Variants in BDKRB2 observed in about 807,000 individuals in gnomAD.
BDKRB2 encodes bradykinin receptor B2.
A neutral mutation model predicts 4.0 loss-of-function variants in BDKRB2; 6 were observed. That is an observed-to-expected ratio of 1.49 (90% CI 0.81 to 2.93). The LOEUF (loss-of-function observed/expected upper bound fraction) is 2.93, where lower values mean the gene tolerates loss of function less well. Among genes scored for constraint, BDKRB2 ranks in the 30% most tolerant of loss-of-function variants. The pLI, the probability that BDKRB2 is intolerant of heterozygous loss-of-function variation, is 0.00. For missense variants in BDKRB2, 478 were observed against 520.1 expected (o/e 0.92, Z 0.79); for synonymous variants, 225 against 215.3 (o/e 1.05, Z -0.40).
intron 2 of BDKRB2, chr14:96,239,182 A>G (rs910558932): frequency 5.1e-6 from 5 of 985,206 alleles, no homozygotes; most frequent in East Asian, 2.3e-4. Flanking sequence ...CACTGGGAAA[A>G]TGCCCAATGA....
intron 1 of BDKRB2, among the ~76,000 whole-genome samples, chr14:96,212,404 A>G (rs2139768205): frequency 6.6e-6 from 1 of 152,328 alleles, no homozygotes; most frequent in East Asian, 1.9e-4. Flanking sequence ...AAGATTGCAA[A>G]AAAAAACTGT....
At chr14:96,216,283 G>C (rs2139772662) in intron 1 of BDKRB2, among the ~76,000 whole-genome samples, 1 of 152,186 alleles carries the variant, frequency 6.6e-6, no homozygotes, top group South Asian at 2.1e-4. Context: ...ACAGTTCCTG[G>C]AGGGTGGGCC....
chr14:96,227,966 G>A (rs552086625), intron 1 of BDKRB2, among the ~76,000 whole-genome samples: 1 of 152,344 alleles, frequency 6.6e-6, no homozygotes, highest in African/African-American at 2.4e-5. Flanking sequence ...GGCCAGCTGA[G>A]CCCAGGTCCA....
intron 1 of BDKRB2, among the ~76,000 whole-genome samples, chr14:96,232,571 AGAT>A (rs544336460): frequency 6.6e-6 from 1 of 152,290 alleles, no homozygotes; most frequent in Admixed American, 6.5e-5. Flanking sequence ...ATCATAAAAA[AGAT>A]GATAACTGTA....
Position 96,241,407 on chromosome 14 carries a change from C to T in BDKRB2, c.1079C>T (p.Pro360Leu), listed in dbSNP as rs200078302. 1.3e-5 allele frequency: 21 copies of T among 1,610,548 alleles called. No homozygotes were observed. The highest frequency in any genetic ancestry group is 7.7e-5 in the South Asian group (7 of 90,964). The change falls in exon 3 of 3, where the codon CCC becomes CTC. Residue 360 changes from proline (P) to leucine (L), a missense_variant. Pro to Leu is a moderately conservative substitution (Grantham distance 98). Coordinates refer to ENST00000554311, the MANE Select transcript of BDKRB2 (RefSeq NM_001379692.1). ...VCQKGGCRSE[P>L]IQMENSMGTL... ...CAGAAAGGGGGCTGCAGGTCAGAAC[C>T]CATTCAGATGGAGAACTCCATGGGC...
intron 1 of BDKRB2, among the ~76,000 whole-genome samples, chr14:96,215,427 A>G (rs1421344704): frequency 1.3e-5 from 2 of 151,988 alleles, no homozygotes; most frequent in African/African-American, 2.4e-5. Context: ...ATCTCTGTGC[A>G]TAAAGCTTTT....
At position 96,216,548 on chromosome 14, in the gene BDKRB2, G is replaced by A. The variant is rs146820269; in HGVS notation, c.-40+11589G>A. 2.4e-3 allele frequency among the ~76,000 whole-genome samples: 362 copies of A among 151,956 alleles called. 8 individuals are homozygous for A. In the East Asian group the frequency reaches 0.053, roughly 22 times the overall value. ...TGAGGTGGGAGGATCGCTTGAACCC[G>A]GTGGGTAGAGGCTATGGTGAGTTAT... On this transcript the variant is annotated intron_variant, in intron 1 of 2. Coordinates refer to ENST00000554311, the MANE Select transcript of BDKRB2 (RefSeq NM_001379692.1).
intron 1 of BDKRB2, among the ~76,000 whole-genome samples, chr14:96,236,630 A>G (rs1890941287): frequency 6.6e-6 from 1 of 152,150 alleles, no homozygotes; most frequent in African/African-American, 2.4e-5. Context: ...CCCCCACTGC[A>G]GTCCTGACTT....
chr14:96,208,933 G>T (rs1016812650), intron 1 of BDKRB2, among the ~76,000 whole-genome samples: 6 of 152,288 alleles, frequency 3.9e-5, no homozygotes, highest in Non-Finnish European at 8.8e-5. Flanking sequence ...GTGCCTGAGG[G>T]GACGCCCGTG....
chr14:96,237,620 G>C, intron 2 of BDKRB2: 4 of 1,239,398 alleles, frequency 3.2e-6, no homozygotes, highest in Non-Finnish European at 4.1e-6. Context: ...ACCTGAGCCA[G>C]AGTAGAAGCA....
chr14:96,208,048 C>T (rs866363524), intron 1 of BDKRB2, among the ~76,000 whole-genome samples: 5 of 152,334 alleles, frequency 3.3e-5, no homozygotes, highest in South Asian at 4.1e-4. Flanking sequence ...AAAAGCTCTT[C>T]CTCCAACTGC....
At chr14:96,223,467 A>C (rs966481872) in intron 1 of BDKRB2, 2 of 648,908 alleles carry the variant, frequency 3.1e-6, no homozygotes, top group Non-Finnish European at 5.7e-6. Context: ...AAAGATGTTC[A>C]ATACACTGTT....
At chr14:96,238,566 A>G (rs554023136) in intron 2 of BDKRB2, 1 of 985,786 alleles carries the variant, frequency 1.0e-6, no homozygotes, top group Admixed American at 6.1e-5. Context: ...CACCCAGTGA[A>G]GACCACGCTT....
intron 1 of BDKRB2, among the ~76,000 whole-genome samples, chr14:96,221,453 C>A (rs1410226584): frequency 6.6e-6 from 1 of 152,106 alleles, no homozygotes; most frequent in Non-Finnish European, 1.5e-5. Flanking sequence ...GGGCACAGTC[C>A]TAGCCCCTCG....
At chr14:96,228,878 C>A (rs1221324974) in intron 1 of BDKRB2, among the ~76,000 whole-genome samples, 1 of 152,244 alleles carries the variant, frequency 6.6e-6, no homozygotes, top group Non-Finnish European at 1.5e-5. Context: ...CAGGCAGACC[C>A]AGGCTTGAAT....
At chr14:96,238,116 C>A in intron 2 of BDKRB2, 1 of 998,732 alleles carries the variant, frequency 1.0e-6, no homozygotes, top group Non-Finnish European at 1.2e-6. Context: ...GTAGAGACAG[C>A]TTATCTCTGT....
chr14:96,240,479 G>A lies in BDKRB2; in HGVS notation c.151G>A (p.Glu51Lys), dbSNP rs1203280196. ...TFAQSKCPQVEWLGWLNTIQP... is the reference protein window; with the variant it reads ...TFAQSKCPQVKWLGWLNTIQP... ...TGCCCAGAGCAAATGCCCCCAAGTG[G>A]AGTGGCTGGGCTGGCTCAACACCAT... The change falls in exon 3 of 3, where the codon GAG becomes AAG. Residue 51 changes from glutamate to lysine, a missense_variant. Glu to Lys is a moderately conservative substitution (Grantham distance 56, BLOSUM62 1). Coordinates refer to ENST00000554311, the MANE Select transcript of BDKRB2 (RefSeq NM_001379692.1). 6.5e-7 allele frequency: 1 copy of A among 1,527,082 alleles called. No homozygotes were observed. The highest frequency in any genetic ancestry group is 2.2e-5 in the Admixed American group (1 of 45,166). The allele number at this position is 1,527,082 out of a possible 1,614,324, so 94.6% of individuals were successfully genotyped here. A position where few individuals can be genotyped will look rare whatever the true frequency, so the allele number is the denominator to read the frequency against.
intron 1 of BDKRB2, among the ~76,000 whole-genome samples, chr14:96,235,449 G>A (rs1353858734): frequency 1.3e-5 from 2 of 151,616 alleles, no homozygotes; most frequent in Middle Eastern, 3.2e-3. Flanking sequence ...TCTCAGAGAG[G>A]AAAGCTCCTA....
chr14:96,217,351 C>T (rs761494235), intron 1 of BDKRB2, among the ~76,000 whole-genome samples: 87 of 152,260 alleles, frequency 5.7e-4, no homozygotes, highest in Non-Finnish European at 1.0e-3. Flanking sequence ...GAAAGCTAGT[C>T]ACCGCAGACG....
Sources: allele counts gnomAD v4.1 joint callset (sites outside exome capture counted in the v4.1 genomes callset), GRCh38; gene constraint gnomAD v4.1.1; transcripts MANE v1.5; gene names NCBI Gene and HGNC (gene_info 2026-07-23, HGNC 2026-07-21).